Variants in SH3GL2 observed in about 807,000 individuals in gnomAD.
The protein encoded by SH3GL2 is endophilin-A1.
Under a neutral mutation model 46.0 loss-of-function variants are expected in SH3GL2, and 24 were observed. That is an observed-to-expected ratio of 0.52 (90% CI 0.38 to 0.73). SH3GL2 has a LOEUF of 0.73. Among genes scored for constraint, SH3GL2 ranks in the 30% least tolerant of loss-of-function variants. The probability of loss-of-function intolerance (pLI) is 0.00; values close to 1 mark genes in which losing one functional copy is unlikely to be tolerated. For missense variants in SH3GL2, 413 were observed against 424.2 expected, an observed-to-expected ratio of 0.97 and a Z score of 0.23; for synonymous variants, 196 against 147.1, an observed-to-expected ratio of 1.33 and a Z score of -2.40.
chr9:17,626,764 T>C (rs3808746), intron 1 of SH3GL2, among the ~76,000 whole-genome samples: 25,732 of 152,190 alleles, frequency 0.17, 2,284 homozygotes, highest in Middle Eastern at 0.23. Flanking sequence ...CTCTCCAAAG[T>C]ATGGCCTCCA....
At chr9:17,775,883 G>A (rs1315835188) in intron 3 of SH3GL2, among the ~76,000 whole-genome samples, 1 of 152,114 alleles carries the variant, frequency 6.6e-6, no homozygotes, top group African/African-American at 2.4e-5. Flanking sequence ...AAGGGTGGGG[G>A]TTGGATTCTC....
chr9:17,641,791 T>G (rs1472487195), intron 1 of SH3GL2, among the ~76,000 whole-genome samples: 1 of 152,068 alleles, frequency 6.6e-6, no homozygotes, highest in African/African-American at 2.4e-5. Context: ...TGTGGCTGCA[T>G]AGTATTGCAT....
intron 1 of SH3GL2, among the ~76,000 whole-genome samples, chr9:17,733,151 C>G (rs1407529851): frequency 6.6e-6 from 1 of 152,068 alleles, no homozygotes; most frequent in African/African-American, 2.4e-5. Context: ...TTCCTACAAC[C>G]CTCACCCCAT....
At chr9:17,714,826 A>G (rs1465069945) in intron 1 of SH3GL2, among the ~76,000 whole-genome samples, 1 of 151,772 alleles carries the variant, frequency 6.6e-6, no homozygotes, top group Non-Finnish European at 1.5e-5. Flanking sequence ...TATGCTTTTA[A>G]TTTCTCATGT....
Position 17,697,625 on chromosome 9 carries a change from C to T in SH3GL2, c.46-49441C>T, listed in dbSNP as rs1821241082. Among the ~76,000 whole-genome samples, 2 of 152,290 alleles carry T rather than the reference C, an allele frequency of 1.3e-5. 1 individual carries two copies. The highest frequency in any genetic ancestry group is 1.3e-4 in the Admixed American group (2 of 15,280). The stretch of plus-strand genomic sequence containing the variant: ...CAAAGCAACATGTTTAGTCTTTTGT[C>T]TTAATAATTCCTCTATTAGCAACTT... On this transcript the variant is annotated intron_variant, in intron 1 of 8. Coordinates refer to ENST00000380607, the MANE Select transcript of SH3GL2 (RefSeq NM_003026.5).
intron 2 of SH3GL2, among the ~76,000 whole-genome samples, chr9:17,754,021 C>T (rs1007022359): frequency 6.6e-6 from 1 of 152,082 alleles, no homozygotes; most frequent in African/African-American, 2.4e-5. Flanking sequence ...GATCTCTATT[C>T]TATTCTGTTG....
At chr9:17,644,577 T>C (rs192878002) in intron 1 of SH3GL2, among the ~76,000 whole-genome samples, 1 of 152,336 alleles carries the variant, frequency 6.6e-6, no homozygotes, top group East Asian at 1.9e-4. Context: ...AATTTTGATA[T>C]TTACCTTGTA....
At chr9:17,703,319 C>T (rs896942843) in intron 1 of SH3GL2, among the ~76,000 whole-genome samples, 4 of 151,902 alleles carry the variant, frequency 2.6e-5, no homozygotes, top group Non-Finnish European at 4.4e-5. Context: ...CATGTGATGT[C>T]AATAATGAGT....
intron 1 of SH3GL2, among the ~76,000 whole-genome samples, chr9:17,704,508 G>C (rs1588257532): frequency 6.6e-6 from 1 of 151,976 alleles, no homozygotes; most frequent in Non-Finnish European, 1.5e-5. Context: ...AAAGCTGGAG[G>C]CATCGCATTA....
At chr9:17,685,481 A>G (rs1588238061) in intron 1 of SH3GL2, among the ~76,000 whole-genome samples, 2 of 152,090 alleles carry the variant, frequency 1.3e-5, no homozygotes, top group East Asian at 1.9e-4. Flanking sequence ...ACTGGATACT[A>G]TTGCCTAGCC....
At chr9:17,761,586 G>A (rs754698618) in intron 3 of SH3GL2, 77 bp downstream of exon 3, 3 of 938,178 alleles carry the variant, frequency 3.2e-6, no homozygotes, top group Non-Finnish European at 1.8e-6. Flanking sequence ...TTTTAAGTTT[G>A]GTGTGTTTCT....
intron 1 of SH3GL2, among the ~76,000 whole-genome samples, chr9:17,721,569 A>G (rs543518421): frequency 2.2e-4 from 33 of 152,202 alleles, no homozygotes; most frequent in Middle Eastern, 3.4e-3. Flanking sequence ...TTTTTCTGGT[A>G]ATTTTTTTGG....
intron 1 of SH3GL2, among the ~76,000 whole-genome samples, chr9:17,667,616 T>C (rs562316741): frequency 9.2e-5 from 14 of 152,362 alleles, no homozygotes; most frequent in Admixed American, 9.2e-4. Flanking sequence ...GATGCTGTCA[T>C]GAACCCTTGT....
intron 1 of SH3GL2, among the ~76,000 whole-genome samples, chr9:17,622,375 G>A (rs1320836138): frequency 2.0e-5 from 3 of 152,100 alleles, no homozygotes; most frequent in African/African-American, 7.2e-5. Flanking sequence ...CCAGGGGCAG[G>A]GGAATAATTT....
rs1824058146 is a variant in SH3GL2 at position 17,789,420 on chromosome 9, G to A, written c.494G>A (p.Arg165His). Residue 165 changes from arginine to histidine, a missense_variant, in exon 6 of 9, where the codon CGC becomes CAC. Physicochemically the swap from Arg to His is conservative, Grantham distance 29. Transcript: ENST00000380607. Reference sequence around the variant, plus strand: ...CATCTAAAGAAGTTGGAGGGTCGACGCCTGGATTTTGATTATAAGAAGAAA... The same window carrying A: ...CATCTAAAGAAGTTGGAGGGTCGACACCTGGATTTTGATTATAAGAAGAAA... ...QHHLKKLEGR[R>H]LDFDYKKKRQ... The A allele has an allele frequency of 1.2e-6, 2 of 1,613,392 alleles. No individual in the cohort carries two copies. Among genetic ancestry groups the A allele is most frequent in the Non-Finnish European group, 1.7e-6 (2 of 1,179,554 alleles).
chr9:17,632,366 A>G (rs17547685), intron 1 of SH3GL2, among the ~76,000 whole-genome samples: 6,402 of 152,260 alleles, frequency 0.042, 195 homozygotes, highest in Admixed American at 0.09. Flanking sequence ...ACAAAGCACA[A>G]TTATTGGAAC....
chr9:17,638,938 C>G (rs1253801430), intron 1 of SH3GL2, among the ~76,000 whole-genome samples: 1 of 152,162 alleles, frequency 6.6e-6, no homozygotes, highest in African/African-American at 2.4e-5. Context: ...ATTGTTGGAT[C>G]CCATATGTAA....
At chr9:17,619,692 A>G (rs1819093512) in intron 1 of SH3GL2, among the ~76,000 whole-genome samples, 2 of 150,496 alleles carry the variant, frequency 1.3e-5, no homozygotes, top group South Asian at 2.1e-4. Flanking sequence ...AAAAAATAAA[A>G]TAAAATAAGT....
intron 1 of SH3GL2, among the ~76,000 whole-genome samples, chr9:17,622,495 A>C (rs1819167218): frequency 6.6e-6 from 1 of 152,200 alleles, no homozygotes; most frequent in Non-Finnish European, 1.5e-5. Flanking sequence ...TTGTGAGCAA[A>C]GAACCTCCTA....
Sources: gnomAD v4.1 joint callset for allele counts (sites outside exome capture counted in the v4.1 genomes callset) on GRCh38, gnomAD v4.1.1 for gene constraint, MANE v1.5 for transcripts, NCBI Gene and HGNC (gene_info 2026-07-23, HGNC 2026-07-21) for gene names.